Variants in KIF2C observed in about 807,000 individuals in gnomAD.
KIF2C encodes kinesin-like protein KIF2C.
Under a neutral mutation model 97.4 loss-of-function variants are expected in KIF2C, and 34 were observed. The ratio of observed to expected loss-of-function variants is 0.35; its 90% CI spans 0.27 to 0.46. The LOEUF is 0.46. KIF2C is among the 20% of genes least tolerant of loss of function. KIF2C has a pLI of 1.00. For synonymous variants in KIF2C, 313 were observed against 318.2 expected, an observed-to-expected ratio of 0.98 and a Z score of 0.17; for missense variants, 750 against 907.6, an observed-to-expected ratio of 0.83 and a Z score of 2.23.
chr1:44,762,598 C>T lies in KIF2C; in HGVS notation c.1911C>T (p.Ala637=). 1 of 1,614,100 alleles carries T rather than the reference C, an allele frequency of 6.2e-7. No individual in the cohort carries two copies. The highest frequency in any genetic ancestry group is 8.5e-7 in the Non-Finnish European group (1 of 1,180,026). ...CCCAGATGTCCAGCTTTAACGAAGC[C>T]ATGACTCAGATCAGGGAGCTGGAGG... is the stretch of plus-strand genomic sequence containing the variant. ...LSSQMSSFNE[A]MTQIRELEEK... is the part of the protein sequence containing the mutation. Residue 637 remains alanine, a synonymous_variant, in exon 19 of 21, where the codon GCC becomes GCT. Coordinates refer to ENST00000372224, the MANE Select transcript of KIF2C (RefSeq NM_006845.4).
chr1:44,754,733 C>T lies in KIF2C; in HGVS notation c.664-17C>T. The T allele has an allele frequency of 6.6e-7, 1 of 1,522,728 alleles. No homozygotes were observed. The highest frequency in any genetic ancestry group is 9.1e-7 in the Non-Finnish European group (1 of 1,096,844). The allele number at this position is 1,522,728 out of a possible 1,614,324, so 94.3% of individuals were successfully genotyped here. On this transcript the variant is annotated splice_polypyrimidine_tract_variant and intron_variant, in intron 7 of 20. Transcript: ENST00000372224. ...TATCTTAACAGTCTGCCCTTTTTCA[C>T]TCTCGTCTCAAACCAGGAGTATGAC...
chr1:44,753,013 A>T, intron 5 of KIF2C, 119 bp from the exon 6 acceptor site: 2 of 1,234,900 alleles, frequency 1.6e-6, no homozygotes, highest in Non-Finnish European at 2.3e-6. Context: ...CTCTGCACAT[A>T]CTGTAAGCCT....
intron 5 of KIF2C, among the ~76,000 whole-genome samples, chr1:44,751,802 C>A (rs1279711464): frequency 4.0e-5 from 6 of 149,682 alleles, no homozygotes; most frequent in Non-Finnish European, 7.4e-5. Context: ...AGCTACTGCA[C>A]CCGGCCCTCT....
intron 19 of KIF2C, 133 bp from the exon 20 acceptor site, chr1:44,766,693 G>A: frequency 1.1e-6 from 1 of 897,206 alleles, no homozygotes; most frequent in Non-Finnish European, 1.7e-6. Flanking sequence ...TGGGGAGAGG[G>A]TGAACAGCCA....
chr1:44,740,329 C>T (rs568114991), intron 1 of KIF2C, among the ~76,000 whole-genome samples: 1 of 152,298 alleles, frequency 6.6e-6, no homozygotes, highest in Non-Finnish European at 1.5e-5. Context: ...TTATGGGGAC[C>T]TCGGTCTCCT....
chr1:44,756,164 A>C lies in KIF2C; in HGVS notation c.904A>C (p.Lys302Gln), dbSNP rs1431628696. ...HEPKLKVDLT[K>Q]YLENQAFCFD... ...ACCCAAGTTGAAAGTGGACTTAACA[A>C]AGTATCTGGAGAACCAAGCATTCTG... Residue 302 changes from lysine to glutamine, a missense_variant, in exon 10 of 21, where the codon AAG becomes CAG. Transcript: ENST00000372224. 1.2e-6 allele frequency: 2 copies of C among 1,614,256 alleles called. No homozygotes were observed. The highest frequency in any genetic ancestry group is 8.5e-7 in the Non-Finnish European group (1 of 1,180,040).
intron 2 of KIF2C, among the ~76,000 whole-genome samples, chr1:44,741,466 C>T (rs552727231): frequency 6.6e-6 from 1 of 151,560 alleles, no homozygotes; most frequent in East Asian, 1.9e-4. Context: ...TGGAGGATTG[C>T]TTGAGCTCAG....
At position 44,758,263 on chromosome 1, in the gene KIF2C, C is replaced by G. The variant is rs74070594; in HGVS notation, c.1224+123C>G. 1,067 of 783,244 alleles carry G rather than the reference C, an allele frequency of 1.4e-3. 8 individuals carry two copies. In the African/African-American group the frequency reaches 0.015, roughly 11 times the overall value. 48.5% of individuals were successfully genotyped at this position (783,244 alleles called of 1,614,324 possible). On this transcript the variant is annotated intron_variant, in intron 13 of 20. Coordinates refer to ENST00000372224, the MANE Select transcript of KIF2C (RefSeq NM_006845.4). ...ATTAGCTGTCAAGCCACTGATGGGC[C>G]ATTCTGCCCTGGCATACACATGTAG...
chr1:44,741,477 G>C (rs979786039), intron 2 of KIF2C, among the ~76,000 whole-genome samples: 1 of 152,008 alleles, frequency 6.6e-6, no homozygotes. Flanking sequence ...TTGAGCTCAG[G>C]AGTTCGAGAC....
intron 5 of KIF2C, among the ~76,000 whole-genome samples, chr1:44,752,311 T>A (rs1229612492): frequency 6.6e-6 from 1 of 151,688 alleles, no homozygotes; most frequent in Non-Finnish European, 1.5e-5. Context: ...ATTTTTTGTA[T>A]TTTTAGTAGA....
intron 5 of KIF2C, among the ~76,000 whole-genome samples, chr1:44,751,507 CTTTT>C (rs58381189): frequency 8.0e-6 from 1 of 125,664 alleles, no homozygotes. Flanking sequence ...TCTTTTTGTA[CTTTT>C]TTTTTTTTTT....
At chr1:44,754,958 T>C in intron 8 of KIF2C, 113 bp downstream of exon 8, 1 of 664,128 alleles carries the variant, frequency 1.5e-6, no homozygotes, top group Non-Finnish European at 2.6e-6. Flanking sequence ...GAGGGTTTTA[T>C]TATTATTTTT....
At chr1:44,764,599 T>C (rs890205149) in intron 19 of KIF2C, among the ~76,000 whole-genome samples, 30 of 151,570 alleles carry the variant, frequency 2.0e-4, no homozygotes, top group Non-Finnish European at 7.4e-5. Context: ...AACCTCCACC[T>C]CCCAGGTTCA....
chr1:44,758,201 A>G, intron 13 of KIF2C, 61 bp downstream of exon 13: 2 of 1,502,868 alleles, frequency 1.3e-6, no homozygotes, highest in Non-Finnish European at 1.8e-6. Flanking sequence ...AAAACCTTGA[A>G]GCTGGCTAGA....
chr1:44,742,684 A>G (rs1321365193), intron 2 of KIF2C, among the ~76,000 whole-genome samples: 2 of 146,682 alleles, frequency 1.4e-5, no homozygotes, highest in Non-Finnish European at 3.0e-5. Context: ...ATGCCACTGC[A>G]CTCCAGCCTG....
At position 44,747,438 on chromosome 1, in the gene KIF2C, T is replaced by C. The variant is rs766139207; in HGVS notation, c.220T>C (p.Leu74=). The C allele has an allele frequency of 6.2e-7, 1 of 1,611,004 alleles. No individual in the cohort carries two copies. Among genetic ancestry groups the C allele is most frequent in the African/African-American group, 1.3e-5 (1 of 74,822 alleles). The change falls in exon 3 of 21, where the codon TTA becomes CTA. Residue 74 remains leucine (L), a synonymous_variant. Transcript: ENST00000372224. ...INPELLQLLP[L]HPKDNLPLQE... ...CCCAGAACTCTTACAGCTTCTTCCC[T>C]TACATCCGAAGGACAATCTGCCCTT...
At position 44,753,936 on chromosome 1, in the gene KIF2C, T is replaced by C. The variant is rs1649671980; in HGVS notation, c.663+103T>C. On this transcript the variant is annotated intron_variant, in intron 7 of 20. Transcript: ENST00000372224. ...AGTTGGGCCCCAGCATTTCTGAGGC[T>C]CCAGTTCTTGAGGCCCCAATTCTTT... 1.9e-5 allele frequency: 7 copies of C among 371,874 alleles called. No individual in the cohort carries two copies. In the South Asian group the frequency reaches 2.1e-4, roughly 11 times the overall value. The allele number at this position is 371,874 out of a possible 1,614,324, so 23.0% of individuals were successfully genotyped here. A position where few individuals can be genotyped will look rare whatever the true frequency, so the allele number is the denominator to read the frequency against.
intron 17 of KIF2C, 133 bp from the exon 18 acceptor site, chr1:44,762,208 TTTCTC>T (rs1372468449): frequency 1.1e-6 from 1 of 933,684 alleles, no homozygotes; most frequent in Non-Finnish European, 1.8e-6. Context: ...CAGCTTTAGT[TTTCTC>T]TCTCCTTGGC....
chr1:44,754,716 C>T (rs765869397), intron 7 of KIF2C, 34 bp from the exon 8 acceptor site: 2 of 1,258,354 alleles, frequency 1.6e-6, no homozygotes, highest in South Asian at 2.4e-5. Context: ...TATATCTTAA[C>T]AGTCTGCCCT....
Sources: allele counts gnomAD v4.1 joint callset (sites outside exome capture counted in the v4.1 genomes callset), GRCh38; gene constraint gnomAD v4.1.1; transcripts MANE v1.5; gene names NCBI Gene and HGNC (gene_info 2026-07-23, HGNC 2026-07-21).